ESRRG: variants seen among roughly 807,000 people sequenced by gnomAD.
The protein encoded by ESRRG is estrogen-related receptor gamma.
A neutral mutation model predicts 44.0 loss-of-function variants in ESRRG; 13 were observed. That is an observed-to-expected ratio of 0.30 (90% CI 0.19 to 0.47). The LOEUF is 0.47. Ranked by LOEUF, ESRRG falls within the 20% of genes least tolerant of loss-of-function variation. The probability of loss-of-function intolerance (pLI) is 1.00; values close to 1 mark genes in which losing one functional copy is unlikely to be tolerated. For synonymous variants in ESRRG, 215 were observed against 214.6 expected (o/e 1.00, Z -0.02); for missense variants, 395 against 580.6 (o/e 0.68, Z 3.29).
At chr1:216,749,358 G>T (rs1268663598) in intron 2 of ESRRG, among the ~76,000 whole-genome samples, 2 of 152,064 alleles carry the variant, frequency 1.3e-5, no homozygotes, top group African/African-American at 4.8e-5. Flanking sequence ...TTCTGCATTT[G>T]TCTGGCTGGA....
At chr1:217,116,432 G>T (rs769435781) in intron 1 of ESRRG, among the ~76,000 whole-genome samples, 1 of 152,166 alleles carries the variant, frequency 6.6e-6, no homozygotes, top group Non-Finnish European at 1.5e-5. Flanking sequence ...TGACCAAAAA[G>T]CTGAGTGTTT....
intron 2 of ESRRG, among the ~76,000 whole-genome samples, chr1:216,750,374 A>G (rs757648061): frequency 1.3e-5 from 2 of 152,040 alleles, no homozygotes; most frequent in Non-Finnish European, 2.9e-5. Flanking sequence ...TTCTTTCTCT[A>G]TTAGTTGATA....
At chr1:216,752,893 A>G (rs2092152987) in intron 2 of ESRRG, among the ~76,000 whole-genome samples, 1 of 152,102 alleles carries the variant, frequency 6.6e-6, no homozygotes. Context: ...GAATTAAAAT[A>G]GTAAAATTGT....
chr1:216,838,995 A>G (rs1012025096), intron 2 of ESRRG, among the ~76,000 whole-genome samples: 4 of 152,142 alleles, frequency 2.6e-5, no homozygotes, highest in Non-Finnish European at 2.9e-5. Context: ...GAAATTTACC[A>G]CAGTGATGGA....
chr1:216,873,437 C>G (rs1001711457), intron 2 of ESRRG, among the ~76,000 whole-genome samples: 4 of 152,002 alleles, frequency 2.6e-5, no homozygotes, highest in African/African-American at 9.7e-5. Flanking sequence ...GTCTCGAACT[C>G]CTGACCTCAG....
chr1:216,958,803 T>C (rs2150150821), intron 1 of ESRRG, among the ~76,000 whole-genome samples: 1 of 152,236 alleles, frequency 6.6e-6, no homozygotes, highest in East Asian at 1.9e-4. Context: ...ATTATCCTGG[T>C]GTCCTTGAGC....
chr1:217,130,182 T>C (rs1173258101), intron 1 of ESRRG, among the ~76,000 whole-genome samples: 1 of 152,178 alleles, frequency 6.6e-6, no homozygotes, highest in Non-Finnish European at 1.5e-5. Flanking sequence ...CCTTTGATCT[T>C]GAATATCATT....
intron 5 of ESRRG, among the ~76,000 whole-genome samples, chr1:216,546,958 C>A (rs1328209005): frequency 6.6e-6 from 1 of 151,814 alleles, no homozygotes; most frequent in African/African-American, 2.4e-5. Flanking sequence ...CTCCCCTAGC[C>A]CCCCATCCCC....
chr1:216,778,253 G>A (rs550670121), intron 2 of ESRRG, among the ~76,000 whole-genome samples: 5 of 152,098 alleles, frequency 3.3e-5, no homozygotes, highest in East Asian at 1.9e-4. Flanking sequence ...AGTGGATCCC[G>A]CCAGGAGCTC....
chr1:216,784,174 C>G (rs2094037805), intron 2 of ESRRG, among the ~76,000 whole-genome samples: 1 of 151,620 alleles, frequency 6.6e-6, no homozygotes, highest in South Asian at 2.1e-4. Flanking sequence ...TTTTTTATGT[C>G]TTATTTTTTC....
At chr1:216,991,616 T>TGGG (rs2075712106) in intron 1 of ESRRG, among the ~76,000 whole-genome samples, 2 of 74,802 alleles carry the variant, frequency 2.7e-5, no homozygotes, top group Admixed American at 4.5e-4. Flanking sequence ...TGGGATGGGA[T>TGGG]AGGATGGGAT....
chr1:217,074,638 G>A (rs2091053265), intron 1 of ESRRG, among the ~76,000 whole-genome samples: 1 of 152,022 alleles, frequency 6.6e-6, no homozygotes, highest in Admixed American at 6.5e-5. Context: ...AGGAACTCGA[G>A]AACAACCTGG....
chr1:216,687,949 A>T (rs2078326836), intron 1 of ESRRG, among the ~76,000 whole-genome samples: 1 of 152,204 alleles, frequency 6.6e-6, no homozygotes, highest in African/African-American at 2.4e-5. Context: ...TAAAAATAAT[A>T]ACTTTGGTAA....
intron 2 of ESRRG, among the ~76,000 whole-genome samples, chr1:216,827,340 C>A (rs1365411675): frequency 1.3e-5 from 2 of 152,124 alleles, no homozygotes; most frequent in African/African-American, 4.8e-5. Context: ...AAAATATATT[C>A]AAATGTGATC....
At position 216,507,227 on chromosome 1, in the gene ESRRG, G is replaced by T. The variant is rs376376227; in HGVS notation, c.1133-44C>A. On this transcript the variant is annotated intron_variant, in intron 6 of 6. Transcript: ENST00000408911. ...GATATGAGTAATTATAATAATAATA[G>T]CAAACCTATGTAGACTAGAGTTATA... The T allele has an allele frequency of 2.2e-6, 3 of 1,379,782 alleles. No homozygotes were observed. The African/African-American group carries it at 4.4e-5, about 20-fold the overall frequency. 85.5% of individuals were successfully genotyped at this position (1,379,782 alleles called of 1,614,324 possible).
chr1:216,600,204 G>C (rs138476107), intron 3 of ESRRG, among the ~76,000 whole-genome samples: 1 of 152,290 alleles, frequency 6.6e-6, no homozygotes, highest in East Asian at 1.9e-4. Flanking sequence ...GGGTGACTAG[G>C]CAGAGCAGAG....
intron 2 of ESRRG, among the ~76,000 whole-genome samples, chr1:216,920,374 A>C (rs530468910): frequency 5.9e-5 from 8 of 136,482 alleles, no homozygotes; most frequent in Admixed American, 5.6e-4. Flanking sequence ...TTGTGTGTGA[A>C]TGTATGGGAG....
At chr1:216,980,517 C>T (rs1223273473) in intron 1 of ESRRG, among the ~76,000 whole-genome samples, 1 of 152,210 alleles carries the variant, frequency 6.6e-6, no homozygotes, top group Non-Finnish European at 1.5e-5. Flanking sequence ...CTATCCCCAT[C>T]TACTGAATAT....
At chr1:217,133,484 G>T (rs767978103) in intron 1 of ESRRG, among the ~76,000 whole-genome samples, 1 of 152,266 alleles carries the variant, frequency 6.6e-6, no homozygotes, top group Non-Finnish European at 1.5e-5. Context: ...ACATTTTGGG[G>T]ATGGGGTATC....
Sources: allele counts gnomAD v4.1 joint callset (sites outside exome capture counted in the v4.1 genomes callset), GRCh38; gene constraint gnomAD v4.1.1; transcripts MANE v1.5; gene names NCBI Gene and HGNC (gene_info 2026-07-23, HGNC 2026-07-21).